RNF17: variants seen among roughly 807,000 people sequenced by gnomAD.
RNF17 encodes spermatogenesis associated 23.
In RNF17, 31 loss-of-function variants were observed where a neutral mutation model predicts 200.5. The observed-to-expected ratio is 0.15, with a 90% CI of 0.12 to 0.21. RNF17 has a LOEUF of 0.21. RNF17 is among the 10% of genes least tolerant of loss of function. The pLI, the probability that RNF17 is intolerant of heterozygous loss-of-function variation, is 1.00. For missense variants in RNF17, 1,628 were observed against 1,905.1 expected (o/e 0.85, Z 2.71); for synonymous variants, 606 against 637.8 (o/e 0.95, Z 0.75).
upstream of RNF17, among the ~76,000 whole-genome samples, chr13:24,763,112 C>T (rs1878944546): frequency 6.7e-6 from 1 of 149,528 alleles, no homozygotes; most frequent in African/African-American, 2.4e-5. Context: ...ACCCTATATC[C>T]TCTACGAAGA....
chr13:24,849,511 TA>T (rs1891618467), intron 22 of RNF17, among the ~76,000 whole-genome samples: 1 of 152,222 alleles, frequency 6.6e-6, no homozygotes, highest in Admixed American at 6.5e-5. Flanking sequence ...TGGCCCAAAA[TA>T]ATTCTTCCAG....
At position 24,843,909 on chromosome 13, in the gene RNF17, T is replaced by G. The variant is rs1411103279; in HGVS notation, c.2769T>G (p.Cys923Trp). ...ATAAGGAATTGCCTGTGCATATCTGTAATGTAATATCTCCTGAGAAGATTT... is the reference window on the plus strand; with the variant it reads ...ATAAGGAATTGCCTGTGCATATCTGGAATGTAATATCTCCTGAGAAGATTT... ...LYNKELPVHI[C>W]NVISPEKIYV... Residue 923 changes from cysteine to tryptophan, a missense_variant, in exon 20 of 36, where the codon TGT becomes TGG. Cys to Trp is a radical substitution (Grantham distance 215, BLOSUM62 -2). Around this residue, in one of 5 missense-constraint regions of RNF17, gnomAD observed 227 missense variants for 319.8 expected, o/e 0.71. Coordinates refer to ENST00000255324, the MANE Select transcript of RNF17 (RefSeq NM_031277.3). 6 of 1,594,756 alleles carry G rather than the reference T, an allele frequency of 3.8e-6. No homozygotes were observed. The African/African-American group carries it at 6.7e-5, about 18-fold the overall frequency.
intron 25 of RNF17, among the ~76,000 whole-genome samples, chr13:24,858,666 A>G (rs912331164): frequency 2.6e-5 from 4 of 151,758 alleles, no homozygotes; most frequent in Non-Finnish European, 4.4e-5. Context: ...TGCCATCATC[A>G]TACTGTATCT....
intron 26 of RNF17, among the ~76,000 whole-genome samples, chr13:24,860,097 T>C (rs1047842908): frequency 3.3e-5 from 5 of 151,778 alleles, no homozygotes; most frequent in Non-Finnish European, 7.4e-5. Flanking sequence ...GGGTGAGTAC[T>C]TAAACATCTG....
At chr13:24,825,435 A>G (rs1296403506) in intron 15 of RNF17, among the ~76,000 whole-genome samples, 184 bp from the exon 16 acceptor site, 1 of 152,198 alleles carries the variant, frequency 6.6e-6, no homozygotes, top group Non-Finnish European at 1.5e-5. Context: ...TTATGTCTAT[A>G]CTAATTTTCT....
At chr13:24,877,233 C>A in intron 34 of RNF17, 47 bp downstream of exon 34, 3 of 1,498,162 alleles carry the variant, frequency 2.0e-6, no homozygotes, top group South Asian at 2.3e-5. Flanking sequence ...ATTTCTGTGT[C>A]GATACTTTGT....
downstream of RNF17, chr13:24,882,908 C>CA (rs1016204657): frequency 2.3e-6 from 1 of 444,440 alleles, no homozygotes; most frequent in African/African-American, 2.0e-5. Context: ...CCAATAAACA[C>CA]ACCCACTTAC....
At chr13:24,749,160 G>A in the RNF17 span, among the ~76,000 whole-genome samples, 2 of 152,056 alleles carry the variant, frequency 1.3e-5, no homozygotes, top group Non-Finnish European at 2.9e-5. Flanking sequence ...TGATTTGAGG[G>A]AATTTTTAAA....
At chr13:24,798,271 T>A (rs1884839307) in intron 11 of RNF17, among the ~76,000 whole-genome samples, 1 of 152,190 alleles carries the variant, frequency 6.6e-6, no homozygotes, top group South Asian at 2.1e-4. Flanking sequence ...TTGGTTTTGT[T>A]ACGCCATTTT....
chr13:24,779,516 T>G, intron 4 of RNF17, 151 bp from the exon 5 acceptor site: 1 of 550,348 alleles, frequency 1.8e-6, no homozygotes, highest in Middle Eastern at 3.6e-4. Flanking sequence ...TTGAATGTTA[T>G]TTTTGTTGCT....
intron 15 of RNF17, among the ~76,000 whole-genome samples, chr13:24,820,146 A>G (rs189824125): frequency 7.1e-6 from 1 of 140,964 alleles, no homozygotes; most frequent in Non-Finnish European, 1.5e-5. Context: ...TTTTGAGACA[A>G]GAGTCTTGCT....
At chr13:24,778,630 A>T (rs982059899) in intron 4 of RNF17, among the ~76,000 whole-genome samples, 1 of 152,136 alleles carries the variant, frequency 6.6e-6, no homozygotes, top group African/African-American at 2.4e-5. Flanking sequence ...AAAGTTCTTG[A>T]TATTTACCTG....
chr13:24,804,509 C>T (rs565843820), intron 15 of RNF17, 80 bp downstream of exon 15: 20 of 1,123,092 alleles, frequency 1.8e-5, no homozygotes, highest in South Asian at 6.5e-5. Context: ...GAGTATCTAC[C>T]GTCAATTTTA....
At position 24,862,722 on chromosome 13, in the gene RNF17, G is replaced by A; in HGVS notation, c.3904G>A (p.Val1302Ile). 1.2e-6 allele frequency: 2 copies of A among 1,604,070 alleles called. No homozygotes were observed. The highest frequency in any genetic ancestry group is 1.3e-5 in the African/African-American group (1 of 74,834). The change falls in exon 28 of 36, where the codon GTC becomes ATC. Residue 1302 changes from valine (V) to isoleucine (I), a missense_variant. This residue lies in a region of RNF17 where 609 missense variants were observed against 681.9 expected (regional missense o/e 0.89). Coordinates refer to ENST00000255324, the MANE Select transcript of RNF17 (RefSeq NM_031277.3). ...QLHNTTPVGN[V>I]WQPDAIEVLQ... ...TATTAATCTCAAATAGGTTGGGAAT[G>A]TCTGGCAACCAGATGCAATAGAAGT... is the stretch of plus-strand genomic sequence containing the variant.
At chr13:24,792,691 A>G (rs1234281353) in intron 9 of RNF17, among the ~76,000 whole-genome samples, 1 of 152,216 alleles carries the variant, frequency 6.6e-6, no homozygotes, top group African/African-American at 2.4e-5. Context: ...TGCTAAATCC[A>G]GTTGGCTTTG....
intron 16 of RNF17, among the ~76,000 whole-genome samples, chr13:24,828,058 T>G (rs1388031788): frequency 2.0e-5 from 3 of 152,204 alleles, no homozygotes; most frequent in Non-Finnish European, 4.4e-5. Context: ...AAGATACCAC[T>G]GTATAGTTTC....
intron 30 of RNF17, among the ~76,000 whole-genome samples, chr13:24,866,759 T>TG (rs1387046437): frequency 1.3e-5 from 2 of 152,226 alleles, no homozygotes; most frequent in African/African-American, 4.8e-5. Context: ...TGTAGACATG[T>TG]TTTCCCTTCT....
chr13:24,824,291 G>T, intron 15 of RNF17: 1 of 680,656 alleles, frequency 1.5e-6, no homozygotes, highest in South Asian at 1.7e-5. Context: ...CTATTTTGTT[G>T]GCGTCATTCC....
At chr13:24,789,258 TA>T in intron 7 of RNF17, 89 bp from the exon 8 acceptor site, 1 of 879,476 alleles carries the variant, frequency 1.1e-6, no homozygotes, top group Non-Finnish European at 1.9e-6. Flanking sequence ...ATGAAATACC[TA>T]AAAGATACAG....
Sources: allele counts gnomAD v4.1 joint callset (sites outside exome capture counted in the v4.1 genomes callset), GRCh38; gene constraint gnomAD v4.1.1; regional missense constraint gnomAD v4.1.1; transcripts MANE v1.5; gene names NCBI Gene and HGNC (gene_info 2026-07-23, HGNC 2026-07-21).